Variants in ZEB1 observed in about 807,000 individuals in gnomAD.
ZEB1 encodes the protein zinc finger E-box-binding homeobox 1.
Under a neutral mutation model 84.9 loss-of-function variants are expected in ZEB1, and 21 were observed. That is an observed-to-expected ratio of 0.25 (90% CI 0.18 to 0.36). The LOEUF is 0.36. ZEB1 is among the 10% of genes least tolerant of loss of function. The probability of loss-of-function intolerance (pLI) is 1.00; values close to 1 mark genes in which losing one functional copy is unlikely to be tolerated. For missense variants in ZEB1, 1,104 were observed against 1,330.2 expected (o/e 0.83, Z 2.65); for synonymous variants, 420 against 471.1 (o/e 0.89, Z 1.41).
chr10:31,516,272 T>TG (rs753023072), intron 6 of ZEB1, among the ~76,000 whole-genome samples: 14 of 152,050 alleles, frequency 9.2e-5, no homozygotes, highest in Non-Finnish European at 1.6e-4. Context: ...CACTGTACTC[T>TG]GCACTGTCCA....
At chr10:31,412,062 C>T (rs182131707) in intron 1 of ZEB1, among the ~76,000 whole-genome samples, 141 of 152,188 alleles carry the variant, frequency 9.3e-4, no homozygotes, top group African/African-American at 3.3e-3. Flanking sequence ...AAAAAGGATG[C>T]AGAGAAATAT....
chr10:31,492,731 CTAAA>C (rs2066705299), intron 2 of ZEB1, among the ~76,000 whole-genome samples: 1 of 151,836 alleles, frequency 6.6e-6, no homozygotes, highest in South Asian at 2.1e-4. Context: ...AACACATATG[CTAAA>C]TAATCAGTCC....
upstream of ZEB1, chr10:31,319,183 G>C (rs2032942521): frequency 1.6e-6 from 2 of 1,274,612 alleles, no homozygotes; most frequent in Non-Finnish European, 2.1e-6. Context: ...GGGGGGAAGG[G>C]GGAGGGAGGG....
intron 1 of ZEB1, chr10:31,321,095 C>A: frequency 1.0e-6 from 1 of 994,194 alleles, no homozygotes; most frequent in Non-Finnish European, 1.2e-6. Flanking sequence ...AGAAAACTCT[C>A]TCGTGCTCCC....
In ZEB1 at chr10:31,367,105, G is replaced by A. The variant is rs76326582; in HGVS notation, c.58+47813G>A. Among the ~76,000 whole-genome samples the A allele has an allele frequency of 5.6e-3, 846 of 152,234 alleles. 13 individuals carry two copies. The highest frequency in any genetic ancestry group is 0.02 in the African/African-American group (811 of 41,530). ...ATCCTATCTACTCTTGAGTAGTAGG[G>A]TCATTGGAAAGCAACCACTGGGTTT... On this transcript the variant is annotated intron_variant, in intron 1 of 8. Coordinates refer to ENST00000424869, the MANE Select transcript of ZEB1 (RefSeq NM_001174096.2).
At chr10:31,396,407 A>T (rs1240415635) in intron 1 of ZEB1, among the ~76,000 whole-genome samples, 1 of 152,234 alleles carries the variant, frequency 6.6e-6, no homozygotes, top group Non-Finnish European at 1.5e-5. Context: ...AGGAAAATAA[A>T]CTATTGGCTA....
At chr10:31,467,728 A>G (rs1156701530) in intron 2 of ZEB1, among the ~76,000 whole-genome samples, 1 of 152,186 alleles carries the variant, frequency 6.6e-6, no homozygotes, top group East Asian at 1.9e-4. Flanking sequence ...CAAGCAGGGG[A>G]GGAACCCCCA....
intron 4 of ZEB1, among the ~76,000 whole-genome samples, chr10:31,507,287 C>T (rs1212636651): frequency 6.6e-6 from 1 of 152,094 alleles, no homozygotes; most frequent in Non-Finnish European, 1.5e-5. Context: ...TTACTTTTGA[C>T]AGTGAATATA....
intron 1 of ZEB1, among the ~76,000 whole-genome samples, chr10:31,382,692 G>A (rs1005206646): frequency 2.0e-5 from 3 of 152,000 alleles, no homozygotes; most frequent in Admixed American, 2.0e-4. Context: ...GAAGATACTT[G>A]AATATTAAAA....
At chr10:31,425,377 A>G (rs2056793565) in intron 1 of ZEB1, among the ~76,000 whole-genome samples, 1 of 152,108 alleles carries the variant, frequency 6.6e-6, no homozygotes, top group African/African-American at 2.4e-5. Context: ...GATTTACTAA[A>G]ATGCATTTTA....
chr10:31,456,747 C>T (rs973881829), intron 1 of ZEB1, among the ~76,000 whole-genome samples: 3 of 152,092 alleles, frequency 2.0e-5, no homozygotes, highest in African/African-American at 7.2e-5. Flanking sequence ...ATAATAATAC[C>T]TACTTCTTAG....
At chr10:31,479,030 TAAAA>T (rs1407821950) in intron 2 of ZEB1, among the ~76,000 whole-genome samples, 1 of 151,576 alleles carries the variant, frequency 6.6e-6, no homozygotes, top group Admixed American at 6.6e-5. Context: ...TCTAAAATCT[TAAAA>T]AAAGAAATTT....
In ZEB1 at chr10:31,527,794, A is replaced by G. The variant is rs1344443718; in HGVS notation, c.*530A>G. ...TACAAAATTCCCTTCACAGAGAAGT[A>G]TAATGTAGTTCCAACCCGTGCTAAC... is the stretch of plus-strand genomic sequence containing the variant. On this transcript the variant is annotated 3_prime_UTR_variant, in exon 9 of 9. Transcript: ENST00000424869. The G allele has an allele frequency of 1.9e-5, 3 of 159,648 alleles. No homozygotes were observed. Among genetic ancestry groups the G allele is most frequent in the East Asian group, 1.8e-4 (1 of 5,488 alleles). 9.9% of individuals were successfully genotyped at this position (159,648 alleles called of 1,614,324 possible).
chr10:31,433,239 T>C (rs2057933563), intron 1 of ZEB1, among the ~76,000 whole-genome samples: 1 of 152,206 alleles, frequency 6.6e-6, no homozygotes, highest in Non-Finnish European at 1.5e-5. Context: ...TTCCAAATGT[T>C]GACACATTCC....
chr10:31,480,910 C>T (rs1296907009), intron 2 of ZEB1, among the ~76,000 whole-genome samples: 2 of 151,980 alleles, frequency 1.3e-5, no homozygotes, highest in African/African-American at 4.8e-5. Flanking sequence ...TTCATTCTCC[C>T]TATCTGCTGG....
At chr10:31,448,817 G>C (rs922726510) in intron 1 of ZEB1, among the ~76,000 whole-genome samples, 2 of 152,276 alleles carry the variant, frequency 1.3e-5, no homozygotes, top group Admixed American at 1.3e-4. Flanking sequence ...TCTCTTCAAA[G>C]CTGTCAGACA....
intron 4 of ZEB1, among the ~76,000 whole-genome samples, chr10:31,506,308 A>C (rs1211207178): frequency 6.6e-6 from 1 of 152,006 alleles, no homozygotes; most frequent in African/African-American, 2.4e-5. Context: ...GTTTAAATTC[A>C]GTGTTTCTTT....
chr10:31,483,974 TCATACAAGGAC>T (rs1351586631), intron 2 of ZEB1, among the ~76,000 whole-genome samples: 1 of 152,120 alleles, frequency 6.6e-6, no homozygotes, highest in East Asian at 1.9e-4. Context: ...ATCCTTTTGA[TCATACAAGGAC>T]CCCATTTCCT....
In ZEB1 at chr10:31,364,385, C is replaced by T. The variant is rs187513816; in HGVS notation, c.58+45093C>T. On this transcript the variant is annotated intron_variant, in intron 1 of 8. Transcript: ENST00000424869. ...AGGCTGATCCGCCAGAGCCCTTCCA[C>T]CTGGCGCCTGGCCCAGGTGCTGGCT... Among the ~76,000 whole-genome samples the T allele has an allele frequency of 3.6e-3, 542 of 152,326 alleles. 6 individuals carry two copies. Among genetic ancestry groups the T allele is most frequent in the Middle Eastern group, 0.014 (4 of 294 alleles).
Sources: allele counts gnomAD v4.1 joint callset (sites outside exome capture counted in the v4.1 genomes callset), GRCh38; gene constraint gnomAD v4.1.1; transcripts MANE v1.5; gene names NCBI Gene and HGNC (gene_info 2026-07-23, HGNC 2026-07-21).